Variants in EPHB1 observed in about 807,000 individuals in gnomAD.
The protein encoded by EPHB1 is ephrin type-B receptor 1.
Under a neutral mutation model 94.4 loss-of-function variants are expected in EPHB1, and 30 were observed. That is an observed-to-expected ratio of 0.32 (90% CI 0.24 to 0.43). The LOEUF (loss-of-function observed/expected upper bound fraction) is 0.43, where lower values mean the gene tolerates loss of function less well. Among genes scored for constraint, EPHB1 ranks in the 20% least tolerant of loss-of-function variants. The probability of loss-of-function intolerance (pLI) is 1.00; values close to 1 mark genes in which losing one functional copy is unlikely to be tolerated. For missense variants in EPHB1, 1,055 were observed against 1,308.3 expected, an observed-to-expected ratio of 0.81 and a Z score of 2.99; for synonymous variants, 522 against 489.1, an observed-to-expected ratio of 1.07 and a Z score of -0.89.
Position 134,958,664 on chromosome 3 carries a change from G to A in EPHB1, c.805+6612G>A, listed in dbSNP as rs545483531. On this transcript the variant is annotated intron_variant, in intron 3 of 15. Coordinates refer to ENST00000398015, the MANE Select transcript of EPHB1 (RefSeq NM_004441.5). ...GCTTCATAATAGGATTTCCCAACAG[G>A]CTACTTCATTTAGAAACCTCTCGGG... Among the ~76,000 whole-genome samples the A allele has an allele frequency of 1.2e-4, 18 of 152,264 alleles. 1 individual carries two copies. The highest frequency in any genetic ancestry group is 4.3e-4 in the African/African-American group (18 of 41,542).
intron 4 of EPHB1, among the ~76,000 whole-genome samples, chr3:135,124,623 T>C (rs942955152): frequency 2.0e-5 from 3 of 151,784 alleles, no homozygotes; most frequent in Non-Finnish European, 2.9e-5. Context: ...ATGCTGAGGC[T>C]TAGATAGGCT....
chr3:135,208,273 TG>T (rs1204738999), intron 12 of EPHB1, among the ~76,000 whole-genome samples: 2 of 147,168 alleles, frequency 1.4e-5, no homozygotes, highest in African/African-American at 2.5e-5. Flanking sequence ...CTTAGAGCAA[TG>T]GGAAACCTTT....
In EPHB1 at chr3:134,795,583, C is replaced by T. The variant is rs115974959; in HGVS notation, c.-49C>T. The T allele has an allele frequency of 4.4e-3, 6,948 of 1,583,138 alleles. 282 individuals are homozygous for T. In the African/African-American group the frequency reaches 0.085, roughly 19 times the overall value. On this transcript the variant is annotated 5_prime_UTR_variant, in exon 1 of 16. Transcript: ENST00000398015. ...GGCGCCCTGGGACGCGGCGCTCTCC[C>T]GGCGCTGCTGCCTCGGCTTGGTCTC...
chr3:135,246,695 T>C (rs75575135), intron 13 of EPHB1, among the ~76,000 whole-genome samples: 1 of 142,994 alleles, frequency 7.0e-6, no homozygotes, highest in African/African-American at 2.6e-5. Flanking sequence ...GGGAATTTGA[T>C]TGACAACAGT....
At chr3:135,222,848 T>A (rs375051490) in intron 12 of EPHB1, among the ~76,000 whole-genome samples, 1 of 152,186 alleles carries the variant, frequency 6.6e-6, no homozygotes, top group East Asian at 1.9e-4. Flanking sequence ...CAAATGCAAA[T>A]TATAATTTAC....
intron 12 of EPHB1, among the ~76,000 whole-genome samples, chr3:135,222,366 C>T (rs1943294324): frequency 6.6e-6 from 1 of 152,084 alleles, no homozygotes; most frequent in Non-Finnish European, 1.5e-5. Context: ...AATGCAAACG[C>T]AATATGTGAT....
chr3:135,200,952 T>C (rs1942735977), intron 11 of EPHB1, among the ~76,000 whole-genome samples: 1 of 152,062 alleles, frequency 6.6e-6, no homozygotes, highest in African/African-American at 2.4e-5. Flanking sequence ...GAAGAAAGGG[T>C]GCCAGTCACT....
intron 1 of EPHB1, among the ~76,000 whole-genome samples, chr3:134,873,697 C>A (rs116215181): frequency 0.019 from 2,890 of 152,314 alleles, 49 homozygotes; most frequent in Middle Eastern, 0.075. Context: ...GGCCAGAGGG[C>A]CCTGGCCACG....
chr3:135,219,595 A>G (rs142850351), intron 12 of EPHB1, among the ~76,000 whole-genome samples: 29 of 152,342 alleles, frequency 1.9e-4, no homozygotes, highest in African/African-American at 6.5e-4. Flanking sequence ...GACTTGCAGC[A>G]TAAGATTTTA....
At chr3:135,170,418 C>T (rs1235934623) in intron 9 of EPHB1, among the ~76,000 whole-genome samples, 2 of 143,768 alleles carry the variant, frequency 1.4e-5, no homozygotes, top group South Asian at 2.2e-4. Flanking sequence ...TGGAAAGAGA[C>T]TAGCTGGAAA....
At chr3:135,257,147 T>G (rs1056464821) in intron 15 of EPHB1, among the ~76,000 whole-genome samples, 2 of 151,588 alleles carry the variant, frequency 1.3e-5, no homozygotes, top group Non-Finnish European at 3.0e-5. Context: ...TTCAACTTCT[T>G]TGCCTTTGGT....
intron 3 of EPHB1, among the ~76,000 whole-genome samples, chr3:135,080,508 G>A (rs576996093): frequency 6.6e-6 from 1 of 152,260 alleles, no homozygotes; most frequent in Non-Finnish European, 1.5e-5. Context: ...TGGGGGTGGG[G>A]CAAAGGTAGC....
intron 9 of EPHB1, 68 bp downstream of exon 9, chr3:135,167,074 G>A: frequency 1.3e-6 from 2 of 1,571,866 alleles, no homozygotes; most frequent in Non-Finnish European, 1.7e-6. Flanking sequence ...CTAGTGCTCA[G>A]AGCTCTCTTT....
chr3:135,057,657 T>C (rs966257904), intron 3 of EPHB1, among the ~76,000 whole-genome samples: 4 of 152,184 alleles, frequency 2.6e-5, no homozygotes, highest in Non-Finnish European at 5.9e-5. Context: ...CTGAGTATGG[T>C]GGCCATATTT....
At chr3:134,848,553 A>G (rs2036919284) in intron 1 of EPHB1, among the ~76,000 whole-genome samples, 1 of 152,370 alleles carries the variant, frequency 6.6e-6, no homozygotes, top group South Asian at 2.1e-4. Context: ...CCCATTTATC[A>G]TCACTACTTC....
At chr3:135,213,041 G>A (rs1035575993) in intron 12 of EPHB1, among the ~76,000 whole-genome samples, 2 of 152,120 alleles carry the variant, frequency 1.3e-5, no homozygotes, top group African/African-American at 4.8e-5. Flanking sequence ...TAATACATCT[G>A]GTTTTACTTT....
chr3:135,231,624 A>G (rs1193987531), intron 12 of EPHB1, among the ~76,000 whole-genome samples: 2 of 152,224 alleles, frequency 1.3e-5, no homozygotes, highest in Non-Finnish European at 2.9e-5. Flanking sequence ...TTCAAATCAC[A>G]TATTTTATTA....
chr3:134,819,393 A>G (rs976771316), intron 1 of EPHB1, among the ~76,000 whole-genome samples: 1 of 152,136 alleles, frequency 6.6e-6, no homozygotes, highest in Non-Finnish European at 1.5e-5. Context: ...AAGGGTGCCC[A>G]TGTGGTGATC....
At chr3:134,904,374 T>A (rs1239695143) in intron 1 of EPHB1, among the ~76,000 whole-genome samples, 1 of 152,236 alleles carries the variant, frequency 6.6e-6, no homozygotes, top group Non-Finnish European at 1.5e-5. Flanking sequence ...AGGGACATAG[T>A]CGCTTTCATC....
Sources: allele counts gnomAD v4.1 joint callset (sites outside exome capture counted in the v4.1 genomes callset), GRCh38; gene constraint gnomAD v4.1.1; transcripts MANE v1.5; gene names NCBI Gene and HGNC (gene_info 2026-07-23, HGNC 2026-07-21).